DDX4: variants seen among roughly 807,000 people sequenced by gnomAD.
DDX4 encodes the protein probable ATP-dependent RNA helicase DDX4.
DDX4 carries 25 observed loss-of-function variants against 100.0 expected under a neutral mutation model. The observed-to-expected ratio is 0.25, with a 90% CI of 0.18 to 0.35. DDX4 has a LOEUF of 0.35. Ranked by LOEUF, DDX4 falls within the 10% of genes least tolerant of loss-of-function variation. The pLI, the probability that DDX4 is intolerant of heterozygous loss-of-function variation, is 1.00. For missense variants in DDX4, 635 were observed against 882.4 expected (o/e 0.72, Z 3.55); for synonymous variants, 259 against 275.7 (o/e 0.94, Z 0.60).
intron 7 of DDX4, chr5:55,773,049 A>G (rs1224739871): frequency 6.6e-6 from 1 of 152,232 alleles, no homozygotes; most frequent in Non-Finnish European, 1.5e-5. Flanking sequence ...TAAACTGGGT[A>G]GCTTTGTAAA....
chr5:55,773,700 C>G (rs1455653504), intron 7 of DDX4, among the ~76,000 whole-genome samples: 2 of 152,168 alleles, frequency 1.3e-5, no homozygotes, highest in Non-Finnish European at 2.9e-5. Context: ...TTTCGGCTCA[C>G]TGCAGCCTCA....
intron 7 of DDX4, among the ~76,000 whole-genome samples, chr5:55,773,424 C>T (rs1261499545): frequency 6.6e-6 from 1 of 152,134 alleles, no homozygotes; most frequent in African/African-American, 2.4e-5. Flanking sequence ...AGTGGAATTG[C>T]TGTGTCATGT....
intron 17 of DDX4, among the ~76,000 whole-genome samples, chr5:55,794,557 A>T (rs1289426726): frequency 6.6e-6 from 1 of 152,108 alleles, no homozygotes; most frequent in Non-Finnish European, 1.5e-5. Context: ...TTGCTTTGGT[A>T]ACTATCTAAT....
chr5:55,752,683 C>A lies in DDX4; in HGVS notation c.127+6462C>A, dbSNP rs545260841. Among the ~76,000 whole-genome samples the A allele has an allele frequency of 4.6e-4, 67 of 147,008 alleles. 1 individual carries two copies. The South Asian group carries it at 0.014, about 31-fold the overall frequency. ...CTTTATAGCAGCATGATTTATAGTCCTTTGGGTATATACCCAGTAATGGGA... is the reference window on the plus strand; with the variant it reads ...CTTTATAGCAGCATGATTTATAGTCATTTGGGTATATACCCAGTAATGGGA... On this transcript the variant is annotated intron_variant, in intron 3 of 21. Coordinates refer to ENST00000505374, the MANE Select transcript of DDX4 (RefSeq NM_024415.3).
At chr5:55,747,268 C>T (rs929110553) in intron 3 of DDX4, among the ~76,000 whole-genome samples, 1 of 152,178 alleles carries the variant, frequency 6.6e-6, no homozygotes, top group Non-Finnish European at 1.5e-5. Flanking sequence ...GTCCCAGCCA[C>T]TCGGAAGGCT....
At chr5:55,812,512 C>T (rs6450350) in intron 18 of DDX4, among the ~76,000 whole-genome samples, 3,104 of 121,050 alleles carry the variant, frequency 0.026, 104 homozygotes, top group African/African-American at 0.076. Context: ...TGCAGTGAGC[C>T]GAGATTGTGC....
chr5:55,764,172 C>A lies in DDX4; in HGVS notation c.334+108C>A, dbSNP rs576834303. 42 of 817,524 alleles carry A rather than the reference C, an allele frequency of 5.1e-5. No individual in the cohort carries two copies. In the Admixed American group the frequency reaches 8.4e-4, roughly 16 times the overall value. 50.6% of individuals were successfully genotyped at this position (817,524 alleles called of 1,614,324 possible). A position where few individuals can be genotyped will look rare whatever the true frequency, so the allele number is the denominator to read the frequency against. ...CCGGGCCAATTCTAACTTATTTAAA[C>A]CAGATTTTATGAAGTAGCTATATCC... is the stretch of plus-strand genomic sequence containing the variant. On this transcript the variant is annotated intron_variant, in intron 6 of 21. Coordinates refer to ENST00000505374, the MANE Select transcript of DDX4 (RefSeq NM_024415.3).
intron 3 of DDX4, among the ~76,000 whole-genome samples, chr5:55,754,688 AAAAT>A (rs1759816420): frequency 2.0e-5 from 3 of 151,394 alleles, no homozygotes; most frequent in Middle Eastern, 3.4e-3. Context: ...CTGGCCTCAT[AAAAT>A]GAGTTAGGGA....
At chr5:55,792,123 CAAAAAAAAAA>C (rs35635463) in intron 16 of DDX4, among the ~76,000 whole-genome samples, 2 of 52,062 alleles carry the variant, frequency 3.8e-5, no homozygotes, top group Non-Finnish European at 7.6e-5. Context: ...GACTCCTTCT[CAAAAAAAAAA>C]AAAAAAAAAA....
At chr5:55,765,408 A>AT (rs1182923434) in intron 6 of DDX4, among the ~76,000 whole-genome samples, 4,351 of 120,034 alleles carry the variant, frequency 0.036, 80 homozygotes, top group African/African-American at 0.064. Context: ...AAAAAAAAAA[A>AT]AAAAAATATA....
chr5:55,793,065 T>TGTG (rs1160621818), intron 17 of DDX4, among the ~76,000 whole-genome samples: 9 of 149,080 alleles, frequency 6.0e-5, no homozygotes, highest in African/African-American at 2.0e-4. Context: ...TTTGTGTGTG[T>TGTG]TGTTGTTGTT....
chr5:55,740,324 G>A (rs901958730), intron 2 of DDX4, among the ~76,000 whole-genome samples: 5 of 151,438 alleles, frequency 3.3e-5, no homozygotes, highest in South Asian at 2.1e-4. Context: ...ATGCCACCAC[G>A]CCCAGCTAAT....
At chr5:55,756,215 T>C (rs1267627142) in intron 3 of DDX4, among the ~76,000 whole-genome samples, 3 of 152,198 alleles carry the variant, frequency 2.0e-5, no homozygotes, top group African/African-American at 7.2e-5. Flanking sequence ...CTGAATGTGA[T>C]TGGCAGAACA....
At chr5:55,784,851 T>C (rs1167456791) in intron 10 of DDX4, among the ~76,000 whole-genome samples, 1 of 152,252 alleles carries the variant, frequency 6.6e-6, no homozygotes, top group Non-Finnish European at 1.5e-5. Context: ...ACTTGGAAAC[T>C]GGTGCCTGGT....
At chr5:55,763,329 A>G (rs954009630) in intron 5 of DDX4, 77 bp downstream of exon 5, 5 of 913,134 alleles carry the variant, frequency 5.5e-6, no homozygotes, top group African/African-American at 4.9e-5. Flanking sequence ...ACTGATTGAC[A>G]GACATTCCAT....
At chr5:55,773,912 C>T (rs1411702638) in intron 7 of DDX4, among the ~76,000 whole-genome samples, 1 of 152,120 alleles carries the variant, frequency 6.6e-6, no homozygotes, top group Admixed American at 6.6e-5. Flanking sequence ...GCATGTGTGC[C>T]ACAGTGCCCA....
chr5:55,789,276 T>TA (rs1742414507), intron 15 of DDX4, among the ~76,000 whole-genome samples: 1 of 152,206 alleles, frequency 6.6e-6, no homozygotes, highest in African/African-American at 2.4e-5. Context: ...CTTTCAACAA[T>TA]AAACATTTAC....
chr5:55,767,112 A>G, intron 6 of DDX4: 1 of 1,232,150 alleles, frequency 8.1e-7, no homozygotes, highest in Non-Finnish European at 1.1e-6. Flanking sequence ...GTTTGCATAT[A>G]TTTAAGAAAG....
At position 55,787,857 on chromosome 5, in the gene DDX4, C is replaced by G. The variant is rs376346361; in HGVS notation, c.1029C>G (p.Leu343=). ...QTGSGKTAAF[L]LPILAHMMHD... ...AACTTAACTTCTAGGCGGCTTTTCT[C>G]CTACCAATTTTGGCTCATATGATGC... Residue 343 remains leucine, a synonymous_variant, in exon 15 of 22, where the codon CTC becomes CTG. Coordinates refer to ENST00000505374, the MANE Select transcript of DDX4 (RefSeq NM_024415.3). 1.4e-5 allele frequency: 22 copies of G among 1,611,720 alleles called. No individual in the cohort carries two copies. Among genetic ancestry groups the G allele is most frequent in the Middle Eastern group, 3.3e-4 (2 of 6,070 alleles).
Sources: gnomAD v4.1 joint callset for allele counts (sites outside exome capture counted in the v4.1 genomes callset) on GRCh38, gnomAD v4.1.1 for gene constraint, MANE v1.5 for transcripts, NCBI Gene and HGNC (gene_info 2026-07-23, HGNC 2026-07-21) for gene names.